The following RNF150 variants were observed in gnomAD, a reference collection of about 807,000 sequenced individuals.
RNF150 encodes the protein ring finger protein 150.
Under a neutral mutation model 39.3 loss-of-function variants are expected in RNF150, and 24 were observed. That is an observed-to-expected ratio of 0.61 (90% CI 0.44 to 0.86). The LOEUF (loss-of-function observed/expected upper bound fraction) is 0.86. Ranked by LOEUF, RNF150 falls within the 40% of genes least tolerant of loss-of-function variation. The pLI is 0.00. For synonymous variants in RNF150, 255 were observed against 227.3 expected, an observed-to-expected ratio of 1.12 and a Z score of -1.10; for missense variants, 502 against 587.8, an observed-to-expected ratio of 0.85 and a Z score of 1.51.
At chr4:140,968,807 G>A (rs1417575710) in intron 1 of RNF150, among the ~76,000 whole-genome samples, 1 of 151,476 alleles carries the variant, frequency 6.6e-6, no homozygotes, top group Admixed American at 6.6e-5. Context: ...CCTACAAGGA[G>A]TTCTTCAGTA....
intron 1 of RNF150, among the ~76,000 whole-genome samples, chr4:141,138,483 A>G (rs2111122167): frequency 6.6e-6 from 1 of 152,320 alleles, no homozygotes; most frequent in East Asian, 1.9e-4. Flanking sequence ...TATAATAGAG[A>G]ATTCACATTA....
rs533879258 is a variant in RNF150, at chr4:140,868,600, G to C, written c.1199-221C>G. ...AGAATAATAAAATATATCATCTAAG[G>C]ATATGTCTTAGTAGGAAAATATATA... is the stretch of plus-strand genomic sequence containing the variant. On this transcript the variant is annotated intron_variant, in intron 6 of 6. Coordinates refer to ENST00000515673, the MANE Select transcript of RNF150 (RefSeq NM_020724.2). Among the ~76,000 whole-genome samples, 5 of 152,254 alleles carry C rather than the reference G, an allele frequency of 3.3e-5. No homozygotes were observed. The South Asian group carries it at 1.0e-3, about 32-fold the overall frequency.
At chr4:140,917,657 C>T (rs969761561) in intron 5 of RNF150, among the ~76,000 whole-genome samples, 18 of 152,266 alleles carry the variant, frequency 1.2e-4, no homozygotes, top group Admixed American at 1.0e-3. Context: ...CAAGGATACC[C>T]AAGAATTGAA....
In RNF150 at chr4:141,155,852, G is replaced by A. The variant is rs376058648; in HGVS notation, c.-6+56942C>T. Among the ~76,000 whole-genome samples the A allele has an allele frequency of 1.4e-3, 208 of 152,302 alleles. 1 individual carries two copies. Among genetic ancestry groups the A allele is most frequent in the African/African-American group, 4.9e-3 (202 of 41,572 alleles). The stretch of plus-strand genomic sequence containing the variant: ...AAGGGGAGTCTGGTTGCAGTATCAG[G>A]CAGTTGTTTGAAATCAGTAGCAGAG... On this transcript the variant is annotated intron_variant, in intron 1 of 7. Coordinates refer to the RNF150 transcript ENST00000420921.
chr4:140,928,799 G>A (rs1731499576), intron 4 of RNF150, among the ~76,000 whole-genome samples: 1 of 152,160 alleles, frequency 6.6e-6, no homozygotes, highest in Non-Finnish European at 1.5e-5. Context: ...ACCCGCCTCA[G>A]CCTCCCAAAG....
intron 1 of RNF150, among the ~76,000 whole-genome samples, chr4:141,077,474 T>C (rs920795328): frequency 6.6e-6 from 1 of 152,202 alleles, no homozygotes. Context: ...GATGGTGCTA[T>C]GTAACTCTTA....
intron 1 of RNF150, among the ~76,000 whole-genome samples, chr4:141,172,184 A>T (rs773814559): frequency 6.6e-6 from 1 of 151,700 alleles, no homozygotes; most frequent in Non-Finnish European, 1.5e-5. Context: ...GGCTCTGCTC[A>T]GTGTACTTCT....
intron 1 of RNF150, among the ~76,000 whole-genome samples, chr4:141,073,135 T>C (rs988123051): frequency 3.3e-5 from 5 of 151,740 alleles, no homozygotes; most frequent in Non-Finnish European, 7.4e-5. Context: ...TGGTACCAAG[T>C]AGAAGACAGA....
At chr4:141,031,292 C>T (rs1735934503) in intron 1 of RNF150, among the ~76,000 whole-genome samples, 1 of 151,916 alleles carries the variant, frequency 6.6e-6, no homozygotes, top group Non-Finnish European at 1.5e-5. Context: ...AGATGTGAAA[C>T]TAATAAACTA....
At chr4:140,893,253 G>T (rs139180803) in intron 6 of RNF150, among the ~76,000 whole-genome samples, 13 of 152,138 alleles carry the variant, frequency 8.5e-5, no homozygotes, top group African/African-American at 3.1e-4. Flanking sequence ...TTTCTCAGGG[G>T]TCAGGGGCTT....
intron 5 of RNF150, among the ~76,000 whole-genome samples, chr4:140,921,879 C>G (rs973944438): frequency 6.6e-6 from 1 of 152,074 alleles, no homozygotes; most frequent in African/African-American, 2.4e-5. Flanking sequence ...ACATGATTAT[C>G]TGAATAGATG....
At chr4:140,879,841 C>T (rs974923861) in intron 6 of RNF150, among the ~76,000 whole-genome samples, 2 of 152,110 alleles carry the variant, frequency 1.3e-5, no homozygotes, top group African/African-American at 4.8e-5. Flanking sequence ...AAAATTTGCA[C>T]CTAGAAACTT....
At chr4:141,160,593 G>A (rs1353350173) in intron 1 of RNF150, among the ~76,000 whole-genome samples, 1 of 152,150 alleles carries the variant, frequency 6.6e-6, no homozygotes, top group East Asian at 1.9e-4. Context: ...AATCCCCAGT[G>A]TTGGAGGTGG....
chr4:140,964,807 CATT>C (rs1733171672), intron 2 of RNF150, among the ~76,000 whole-genome samples: 1 of 151,922 alleles, frequency 6.6e-6, no homozygotes, highest in South Asian at 2.1e-4. Flanking sequence ...AGCCGTGAGA[CATT>C]ATAATTCTAG....
intron 1 of RNF150, among the ~76,000 whole-genome samples, chr4:141,004,094 T>C (rs1307685260): frequency 1.3e-5 from 2 of 152,160 alleles, no homozygotes; most frequent in African/African-American, 2.4e-5. Flanking sequence ...TTCAAGAGCA[T>C]TTAACGAACT....
At chr4:141,038,898 G>C (rs1268511286) in intron 1 of RNF150, among the ~76,000 whole-genome samples, 3 of 152,070 alleles carry the variant, frequency 2.0e-5, no homozygotes, top group Admixed American at 6.6e-5. Context: ...GAGCAGATAG[G>C]AGCAATAGCC....
chr4:141,142,351 G>A (rs896208930), intron 1 of RNF150, among the ~76,000 whole-genome samples: 1 of 152,054 alleles, frequency 6.6e-6, no homozygotes, highest in Non-Finnish European at 1.5e-5. Flanking sequence ...GCCTTCTCAG[G>A]AACTTAGTCC....
upstream of RNF150, among the ~76,000 whole-genome samples, chr4:141,138,077 ACT>A (rs1431859081): frequency 2.0e-5 from 3 of 152,126 alleles, no homozygotes; most frequent in Non-Finnish European, 4.4e-5. Flanking sequence ...TCTTTAAGAA[ACT>A]CTCAACCTTG....
intron 6 of RNF150, among the ~76,000 whole-genome samples, chr4:140,903,968 G>A (rs1222507174): frequency 1.3e-5 from 2 of 152,214 alleles, no homozygotes; most frequent in Non-Finnish European, 2.9e-5. Context: ...TGGCAGTCTC[G>A]CTTTGAGTGG....
Sources: allele counts gnomAD v4.1 joint callset (sites outside exome capture counted in the v4.1 genomes callset), GRCh38; gene constraint gnomAD v4.1.1; transcripts MANE v1.5; gene names NCBI Gene and HGNC (gene_info 2026-07-23, HGNC 2026-07-21).